The following MYO5A variants were observed in gnomAD, a reference collection of about 807,000 sequenced individuals.
The protein encoded by MYO5A is unconventional myosin-Va.
A neutral mutation model predicts 249.7 loss-of-function variants in MYO5A; 98 were observed. The ratio of observed to expected loss-of-function variants is 0.39; its 90% CI spans 0.33 to 0.46. The LOEUF (loss-of-function observed/expected upper bound fraction) is 0.46, where lower values mean the gene tolerates loss of function less well. Ranked by LOEUF, MYO5A falls within the 20% of genes least tolerant of loss-of-function variation. The pLI, the probability that MYO5A is intolerant of heterozygous loss-of-function variation, is 0.98. For synonymous variants in MYO5A, 778 were observed against 810.6 expected (o/e 0.96, Z 0.68); for missense variants, 1,696 against 2,308.8 (o/e 0.73, Z 5.44).
intron 1 of MYO5A, among the ~76,000 whole-genome samples, chr15:52,471,535 G>C (rs1355261555): frequency 6.6e-6 from 1 of 151,330 alleles, no homozygotes; most frequent in South Asian, 2.1e-4. Context: ...TAGGAGGATC[G>C]TTTGAGCCCA....
intron 1 of MYO5A, among the ~76,000 whole-genome samples, chr15:52,466,148 C>T (rs1595734953): frequency 6.6e-6 from 1 of 152,170 alleles, no homozygotes; most frequent in Non-Finnish European, 1.5e-5. Flanking sequence ...TCAGACTGGA[C>T]ACCTACAGCA....
At chr15:52,465,574 T>C (rs2076335911) in intron 1 of MYO5A, among the ~76,000 whole-genome samples, 1 of 152,156 alleles carries the variant, frequency 6.6e-6, no homozygotes, top group Non-Finnish European at 1.5e-5. Context: ...GGAGGATTGC[T>C]TGAATTCAGG....
intron 1 of MYO5A, among the ~76,000 whole-genome samples, chr15:52,510,438 T>C (rs2077365983): frequency 6.6e-6 from 1 of 152,148 alleles, no homozygotes. Flanking sequence ...TTAAGGACAA[T>C]ATTAAGAATC....
chr15:52,349,535 G>A (rs571486153), intron 28 of MYO5A, among the ~76,000 whole-genome samples: 7 of 152,250 alleles, frequency 4.6e-5, no homozygotes, highest in East Asian at 1.9e-4. Context: ...TACGTGAGCC[G>A]GGCAAGGGAG....
At chr15:52,384,472 G>C in intron 14 of MYO5A, 150 bp from the exon 15 acceptor site, 2 of 782,654 alleles carry the variant, frequency 2.6e-6, no homozygotes, top group Non-Finnish European at 4.3e-6. Flanking sequence ...TAAGAGCCAA[G>C]AATATGAGAG....
intron 7 of MYO5A, 149 bp from the exon 8 acceptor site, chr15:52,407,548 A>G (rs1439240964): frequency 1.4e-5 from 6 of 425,246 alleles, no homozygotes; most frequent in Non-Finnish European, 1.6e-5. Flanking sequence ...GTATTTTAAT[A>G]AAAAATTAAA....
chr15:52,503,967 G>A (rs2077209013), intron 1 of MYO5A, among the ~76,000 whole-genome samples: 1 of 151,712 alleles, frequency 6.6e-6, no homozygotes, highest in Admixed American at 6.6e-5. Flanking sequence ...GAAACCAGGC[G>A]GAAGTGAAAC....
At chr15:52,347,719 C>A (rs1436078809) in intron 29 of MYO5A, among the ~76,000 whole-genome samples, 2 of 152,150 alleles carry the variant, frequency 1.3e-5, no homozygotes, top group African/African-American at 4.8e-5. Flanking sequence ...AGAAGACCAA[C>A]TATAATCTCA....
At chr15:52,507,031 C>CA (rs2077286380) in intron 1 of MYO5A, among the ~76,000 whole-genome samples, 1 of 151,970 alleles carries the variant, frequency 6.6e-6, no homozygotes, top group Non-Finnish European at 1.5e-5. Flanking sequence ...AGAGAAGCTA[C>CA]TTTTTTTTCC....
At chr15:52,474,741 G>A (rs186177923) in intron 1 of MYO5A, among the ~76,000 whole-genome samples, 22,446 of 151,956 alleles carry the variant, frequency 0.15, 1,784 homozygotes, top group Middle Eastern at 0.22. Context: ...GATGAGGTCC[G>A]CTTGATCATG....
intron 32 of MYO5A, among the ~76,000 whole-genome samples, chr15:52,338,100 G>C (rs1171998265): frequency 6.6e-6 from 1 of 152,010 alleles, no homozygotes; most frequent in African/African-American, 2.4e-5. Flanking sequence ...GTGAACAAAG[G>C]AAAGAGGCTG....
intron 37 of MYO5A, among the ~76,000 whole-genome samples, chr15:52,322,139 GA>G (rs1228221260): frequency 3.9e-5 from 6 of 152,354 alleles, no homozygotes; most frequent in Non-Finnish European, 8.8e-5. Context: ...GATGCTACGT[GA>G]TAAAGGCAAG....
intron 36 of MYO5A, among the ~76,000 whole-genome samples, chr15:52,326,202 G>GCC (rs1339258955): frequency 1.3e-5 from 2 of 152,102 alleles, no homozygotes; most frequent in African/African-American, 4.8e-5. Context: ...GTGTTCTAGT[G>GCC]CCCATCATTT....
chr15:52,372,277 G>C lies in MYO5A; in HGVS notation c.2664C>G (p.Ala888=). 6.2e-7 allele frequency: 1 copy of C among 1,611,364 alleles called. No homozygotes were observed. The highest frequency in any genetic ancestry group is 8.5e-7 in the Non-Finnish European group (1 of 1,180,018). Residue 888 remains alanine, a synonymous_variant, in exon 21 of 42, where the codon GCC becomes GCG. Transcript: ENST00000399233. ...TGAAGCAGCACTGAAGGTAGATGAT[G>C]GCATGCATGCTCCTCTTGTAGTGTG... ...ARTHYKRSMH[A]IIYLQCCFRR... is the part of the protein sequence containing the mutation.
intron 1 of MYO5A, among the ~76,000 whole-genome samples, chr15:52,482,179 T>C (rs1223147757): frequency 1.3e-5 from 2 of 152,234 alleles, no homozygotes; most frequent in Admixed American, 1.3e-4. Context: ...TCTGTGAGCT[T>C]GAGAACTTCC....
chr15:52,438,305 G>A (rs1384261325), intron 1 of MYO5A, among the ~76,000 whole-genome samples: 1 of 152,182 alleles, frequency 6.6e-6, no homozygotes, highest in Admixed American at 6.5e-5. Context: ...CAAGGCCACT[G>A]GAACGCATGA....
Position 52,364,818 on chromosome 15 carries a change from T to C in MYO5A, c.3161-116A>G, listed in dbSNP as rs1596348310. 26 of 1,195,762 alleles carry C rather than the reference T, an allele frequency of 2.2e-5. 2 individuals carry two copies. The South Asian group carries it at 3.3e-4, about 15-fold the overall frequency. 74.1% of individuals were successfully genotyped at this position (1,195,762 alleles called of 1,614,324 possible). A position where few individuals can be genotyped will look rare whatever the true frequency, so the allele number is the denominator to read the frequency against. On this transcript the variant is annotated intron_variant, in intron 23 of 41. Coordinates refer to ENST00000399233, the MANE Select transcript of MYO5A (RefSeq NM_001382347.1). Reference sequence around the variant, plus strand: ...GGCAATTTTACTTTTAGTATCACTGTGATCCATGAAGAGTGTCTTAGTAAA... The same window carrying C: ...GGCAATTTTACTTTTAGTATCACTGCGATCCATGAAGAGTGTCTTAGTAAA...
intron 1 of MYO5A, among the ~76,000 whole-genome samples, chr15:52,471,619 A>ACACC (rs773132992): frequency 3.4e-5 from 5 of 149,186 alleles, no homozygotes; most frequent in Admixed American, 2.7e-4. Context: ...ACACACACAC[A>ACACC]CCCCAAACAA....
At position 52,308,608 on chromosome 15, in the gene MYO5A, C is replaced by T. The variant is rs1266176131; in HGVS notation, c.*5088G>A. 5 of 152,406 alleles carry T rather than the reference C, an allele frequency of 3.3e-5. No individual in the cohort carries two copies. Among genetic ancestry groups the T allele is most frequent in the Non-Finnish European group, 1.5e-5 (1 of 68,046 alleles). The allele number at this position is 152,406 out of a possible 1,614,324, so 9.4% of individuals were successfully genotyped here. On this transcript the variant is annotated 3_prime_UTR_variant, in exon 42 of 42. Coordinates refer to ENST00000399233, the MANE Select transcript of MYO5A (RefSeq NM_001382347.1). The stretch of plus-strand genomic sequence containing the variant: ...AAGCATTCTCTAAGCTGGCCTCTCA[C>T]TGGCTCTGAGACTGTTGCTGCCCCA...
Sources: gnomAD v4.1 joint callset for allele counts (sites outside exome capture counted in the v4.1 genomes callset) on GRCh38, gnomAD v4.1.1 for gene constraint, MANE v1.5 for transcripts, NCBI Gene and HGNC (gene_info 2026-07-23, HGNC 2026-07-21) for gene names.